The following ZC3HAV1 variants were observed in gnomAD, a reference collection of about 807,000 sequenced individuals.
The protein encoded by ZC3HAV1 is zinc finger CCCH-type containing, antiviral 1.
A neutral mutation model predicts 86.6 loss-of-function variants in ZC3HAV1; 41 were observed. That is an observed-to-expected ratio of 0.47 (90% CI 0.37 to 0.61). The LOEUF is 0.61. Ranked by LOEUF, ZC3HAV1 falls within the 20% of genes least tolerant of loss-of-function variation. The probability of loss-of-function intolerance (pLI) is 0.00; values close to 1 mark genes in which losing one functional copy is unlikely to be tolerated. For missense variants in ZC3HAV1, 964 were observed against 1,141.1 expected (o/e 0.84, Z 2.24); for synonymous variants, 421 against 432.1 (o/e 0.97, Z 0.32).
intron 12 of ZC3HAV1, among the ~76,000 whole-genome samples, chr7:139,049,142 T>TTG (rs1554439108): frequency 1.0e-4 from 11 of 104,888 alleles, no homozygotes; most frequent in Admixed American, 1.7e-4. Context: ...TTTTTTTTTT[T>TTG]TCGTTGTTGT....
In ZC3HAV1 at chr7:139,079,654, A is replaced by C; in HGVS notation, c.1287T>G (p.Asn429Lys). 1 of 1,614,166 alleles carries C rather than the reference A, an allele frequency of 6.2e-7. No individual in the cohort carries two copies. The highest frequency in any genetic ancestry group is 8.5e-7 in the Non-Finnish European group (1 of 1,180,016). Residue 429 changes from asparagine (N) to lysine (K), a missense_variant, in exon 4 of 13, where the codon AAT (asparagine) becomes AAG (lysine). Coordinates refer to ENST00000242351, the MANE Select transcript of ZC3HAV1 (RefSeq NM_020119.4). ...CTGTGGCCACTCCATCAGCATTATT[A>C]TTAAAAAGAGGGCCAGGCTGGATGT... ...TQDIQPGPLF[N>K]NNADGVATDI...
chr7:139,075,430 T>C lies in ZC3HAV1; in HGVS notation c.1697+856A>G, dbSNP rs114442491. Among the ~76,000 whole-genome samples the C allele has an allele frequency of 1.2e-3, 190 of 152,154 alleles. 1 individual carries two copies. Among genetic ancestry groups the C allele is most frequent in the African/African-American group, 4.3e-3 (177 of 41,496 alleles). Reference sequence around the variant, plus strand: ...ATTTCAGCTCTTCCAGAAGGAGAAATGTTTTTACTTATTTATTTTTGAGAC... The same window carrying C: ...ATTTCAGCTCTTCCAGAAGGAGAAACGTTTTTACTTATTTATTTTTGAGAC... On this transcript the variant is annotated intron_variant, in intron 6 of 12. Transcript: ENST00000242351.
intron 11 of ZC3HAV1, 78 bp from the exon 12 acceptor site, chr7:139,053,659 T>G: frequency 6.8e-7 from 1 of 1,475,470 alleles, no homozygotes; most frequent in South Asian, 1.5e-5. Context: ...CCAGCTAAAG[T>G]CTAATCATCT....
chr7:139,090,440 C>T (rs1817397879), intron 1 of ZC3HAV1, among the ~76,000 whole-genome samples: 1 of 152,078 alleles, frequency 6.6e-6, no homozygotes, highest in Non-Finnish European at 1.5e-5. Flanking sequence ...TGTCAATTTC[C>T]ATAAAACAGT....
chr7:139,077,401 G>A lies in ZC3HAV1; in HGVS notation c.1574-992C>T, dbSNP rs193188307. Among the ~76,000 whole-genome samples the A allele has an allele frequency of 1.6e-4, 24 of 152,188 alleles. No individual in the cohort carries two copies. In the East Asian group the frequency reaches 4.7e-3, roughly 29 times the overall value. On this transcript the variant is annotated intron_variant, in intron 5 of 12. Transcript: ENST00000242351. Reference sequence around the variant, plus strand: ...TGGGATTACAGGCATGTGCCACCACGCCCAGCTAATTTTTGTATTTTTAGT... The same window carrying A: ...TGGGATTACAGGCATGTGCCACCACACCCAGCTAATTTTTGTATTTTTAGT...
intron 1 of ZC3HAV1, among the ~76,000 whole-genome samples, chr7:139,093,154 T>A (rs1355045378): frequency 6.6e-6 from 1 of 151,974 alleles, no homozygotes; most frequent in East Asian, 1.9e-4. Context: ...ACTGATAAAA[T>A]GAGAAATCAA....
At position 139,080,186 on chromosome 7, in the gene ZC3HAV1, C is replaced by A; in HGVS notation, c.755G>T (p.Arg252Leu). The stretch of plus-strand genomic sequence containing the variant: ...AAATTCTTGGCTGCCCTGAAAGAAC[C>A]GATCTCTACTCTTGCTTCTAGCCCT... ...AYRARSKSRDRFFQGSQEFLA... is the reference protein window; with the variant it reads ...AYRARSKSRDLFFQGSQEFLA... The change falls in exon 4 of 13, where the codon CGG (arginine) becomes CTG (leucine). Residue 252 changes from arginine to leucine, a missense_variant. Transcript: ENST00000242351. The A allele has an allele frequency of 1.9e-6, 3 of 1,614,122 alleles. No homozygotes were observed. Among genetic ancestry groups the A allele is most frequent in the Non-Finnish European group, 2.5e-6 (3 of 1,180,042 alleles).
In ZC3HAV1 at chr7:139,043,965, T is replaced by C. The variant is rs1026785052; in HGVS notation, c.*3629A>G. On this transcript the variant is annotated 3_prime_UTR_variant, in exon 13 of 13. Coordinates refer to ENST00000242351, the MANE Select transcript of ZC3HAV1 (RefSeq NM_020119.4). ...GGGTTATTGGTGGTTTCATAATAAC[T>C]GGGGACTACTCCCAGCACTGAGTGG... is the stretch of plus-strand genomic sequence containing the variant. 4 of 152,176 alleles carry C rather than the reference T, an allele frequency of 2.6e-5. No individual in the cohort carries two copies. Among genetic ancestry groups the C allele is most frequent in the Non-Finnish European group, 5.9e-5 (4 of 68,036 alleles). 9.4% of individuals were successfully genotyped at this position (152,176 alleles called of 1,614,324 possible).
In ZC3HAV1 at chr7:139,047,391, G is replaced by T; in HGVS notation, c.*203C>A. 1 of 592,740 alleles carries T rather than the reference G, an allele frequency of 1.7e-6. No individual in the cohort carries two copies. The highest frequency in any genetic ancestry group is 2.8e-6 in the Non-Finnish European group (1 of 352,250). 36.7% of individuals were successfully genotyped at this position (592,740 alleles called of 1,614,324 possible). On this transcript the variant is annotated 3_prime_UTR_variant, in exon 13 of 13. Transcript: ENST00000242351. The stretch of plus-strand genomic sequence containing the variant: ...GCTGACGCCCAGAAATGATTTCATT[G>T]GCATGGGGTGCAACCTGGGCATCAG...
intron 1 of ZC3HAV1, among the ~76,000 whole-genome samples, chr7:139,101,225 T>C (rs1817750498): frequency 6.6e-6 from 1 of 151,584 alleles, no homozygotes; most frequent in Non-Finnish European, 1.5e-5. Flanking sequence ...TGCCTTGGCC[T>C]CCCAAAGTGC....
intron 4 of ZC3HAV1, 156 bp downstream of exon 4, chr7:139,079,314 G>C (rs2236424): frequency 2.6e-6 from 4 of 1,542,188 alleles, no homozygotes; most frequent in Non-Finnish European, 3.5e-6. Context: ...CTTCCAGTAC[G>C]TAACATATCT....
Position 139,064,896 on chromosome 7 carries a change from T to C in ZC3HAV1, c.1976A>G (p.Tyr659Cys). The C allele has an allele frequency of 1.2e-6, 2 of 1,614,110 alleles. No individual in the cohort carries two copies. Among genetic ancestry groups the C allele is most frequent in the Non-Finnish European group, 1.7e-6 (2 of 1,180,006 alleles). ...VVPFQAGSRN[Y>C]ELSFQGMIQT... ...AAACCCACCTTGGAAACTCAGCTCA[T>C]AGTTCCGTGAGCCCGCCTGAAATGG... Residue 659 changes from tyrosine (Y) to cysteine (C), a missense_variant, in exon 8 of 13, where the codon TAT becomes TGT. Physicochemically the swap from Tyr to Cys is radical, Grantham distance 194. Transcript: ENST00000242351.
intron 6 of ZC3HAV1, among the ~76,000 whole-genome samples, chr7:139,075,659 C>T (rs912789120): frequency 1.6e-4 from 25 of 152,078 alleles, no homozygotes; most frequent in African/African-American, 5.8e-4. Flanking sequence ...AGGCTGATCT[C>T]GAACTCCTGA....
chr7:139,067,954 T>C (rs1240998515), intron 7 of ZC3HAV1, among the ~76,000 whole-genome samples: 1 of 150,084 alleles, frequency 6.7e-6, no homozygotes, highest in Admixed American at 6.8e-5. Flanking sequence ...ATAGGGTTTG[T>C]TTGCACAGGT....
intron 7 of ZC3HAV1, among the ~76,000 whole-genome samples, chr7:139,071,905 T>G (rs1816783972): frequency 6.6e-6 from 1 of 152,202 alleles, no homozygotes; most frequent in African/African-American, 2.4e-5. Context: ...CTGTTTGTGG[T>G]TGAGGACCTC....
rs188345874 is a variant in ZC3HAV1 at position 139,077,981 on chromosome 7, G to A, written c.1573+571C>T. Among the ~76,000 whole-genome samples, 259 of 152,326 alleles carry A rather than the reference G, an allele frequency of 1.7e-3. 1 individual carries two copies. The highest frequency in any genetic ancestry group is 5.9e-3 in the African/African-American group (245 of 41,572). On this transcript the variant is annotated intron_variant, in intron 5 of 12. Coordinates refer to ENST00000242351, the MANE Select transcript of ZC3HAV1 (RefSeq NM_020119.4). ...TGGCTGGGCACAGTGGCTCATGCCT[G>A]TAATCCCAGCACTTTGGAAGGCCGA...
At chr7:139,090,945 G>A (rs531440252) in intron 1 of ZC3HAV1, among the ~76,000 whole-genome samples, 156 of 152,216 alleles carry the variant, frequency 1.0e-3, no homozygotes, top group African/African-American at 3.4e-3. Flanking sequence ...AGAAGTCAAG[G>A]CCAGTCACTC....
intron 7 of ZC3HAV1, among the ~76,000 whole-genome samples, chr7:139,069,994 AG>A (rs1253349471): frequency 2.6e-5 from 4 of 152,188 alleles, no homozygotes; most frequent in African/African-American, 9.6e-5. Context: ...GAAAGAAACC[AG>A]GCTGTTCTTG....
intron 7 of ZC3HAV1, among the ~76,000 whole-genome samples, chr7:139,065,765 G>A (rs560789687): frequency 6.6e-6 from 1 of 152,046 alleles, no homozygotes; most frequent in Non-Finnish European, 1.5e-5. Context: ...TTAGCTGGAC[G>A]TGGTGGCATG....
Sources: gnomAD v4.1 joint callset for allele counts (sites outside exome capture counted in the v4.1 genomes callset) on GRCh38, gnomAD v4.1.1 for gene constraint, MANE v1.5 for transcripts, NCBI Gene and HGNC (gene_info 2026-07-23, HGNC 2026-07-21) for gene names.